Variants in SMC2 observed in about 807,000 individuals in gnomAD.
The protein encoded by SMC2 is structural maintenance of chromosomes 2.
Under a neutral mutation model 142.6 loss-of-function variants are expected in SMC2, and 41 were observed. The observed-to-expected ratio is 0.29, with a 90% CI of 0.22 to 0.37. SMC2 has a LOEUF of 0.37. SMC2 is among the 10% of genes least tolerant of loss of function. The pLI is 1.00. For synonymous variants in SMC2, 463 were observed against 457.5 expected (o/e 1.01, Z -0.15); for missense variants, 1,265 against 1,373.7 (o/e 0.92, Z 1.25).
chr9:104,096,369 T>C, intron 3 of SMC2, 72 bp downstream of exon 3: 3 of 1,427,668 alleles, frequency 2.1e-6, no homozygotes, highest in Non-Finnish European at 2.9e-6. Flanking sequence ...CCTATGCCTT[T>C]GCAAAACGTG....
the SMC2 span, among the ~76,000 whole-genome samples, chr9:104,089,212 A>G: frequency 6.6e-6 from 1 of 152,316 alleles, no homozygotes; most frequent in East Asian, 1.9e-4. Flanking sequence ...TTGTTGAAGT[A>G]GAAGATTAAG....
In SMC2 at chr9:104,139,338, T is replaced by C. The variant is rs1269927924; in HGVS notation, c.*23T>C. The C allele has an allele frequency of 2.1e-5, 33 of 1,547,028 alleles. No homozygotes were observed. The highest frequency in any genetic ancestry group is 2.9e-5 in the Non-Finnish European group (33 of 1,156,372). On this transcript the variant is annotated 3_prime_UTR_variant, in exon 25 of 25. Coordinates refer to ENST00000374793, the MANE Select transcript of SMC2 (RefSeq NM_006444.3). Reference sequence around the variant, plus strand: ...TAAACTACAAAGTTATTTCTTCATCTTGACCTGTTTTTTTAAATGTAAACT... The same window carrying C: ...TAAACTACAAAGTTATTTCTTCATCCTGACCTGTTTTTTTAAATGTAAACT...
At position 104,125,019 on chromosome 9, in the gene SMC2, C is replaced by A. The variant is rs1381715208; in HGVS notation, c.2365C>A (p.Arg789=). ...GAAAAATGCAGAAGCTGAAAGAGAG[C>A]GAGAACTGAAAGATGCTCAGAAAAA... ...KMKNAEAERE[R]ELKDAQKKLD... is the part of the protein sequence containing the mutation. The change falls in exon 18 of 25, where the codon CGA becomes AGA. Residue 789 remains arginine (R), a synonymous_variant. Transcript: ENST00000374793. 6.2e-7 allele frequency: 1 copy of A among 1,605,902 alleles called. No individual in the cohort carries two copies. Among genetic ancestry groups the A allele is most frequent in the South Asian group, 1.1e-5 (1 of 89,122 alleles).
intron 17 of SMC2, among the ~76,000 whole-genome samples, chr9:104,123,561 C>T (rs1209908892): frequency 6.6e-6 from 1 of 152,126 alleles, no homozygotes; most frequent in Non-Finnish European, 1.5e-5. Flanking sequence ...TTGCATTTCC[C>T]TAATTGCTGA....
intron 21 of SMC2, among the ~76,000 whole-genome samples, chr9:104,131,780 A>G (rs959595770): frequency 6.7e-5 from 10 of 149,296 alleles, no homozygotes; most frequent in Non-Finnish European, 1.0e-4. Flanking sequence ...GGATGATTTT[A>G]TTCCTAATTT....
chr9:104,102,098 A>G lies in SMC2; in HGVS notation c.775A>G (p.Lys259Glu). The G allele has an allele frequency of 1.2e-6, 2 of 1,606,324 alleles. No individual in the cohort carries two copies. The highest frequency in any genetic ancestry group is 8.5e-7 in the Non-Finnish European group (1 of 1,173,472). Reference sequence around the variant, plus strand: ...TGAGGAATTAAAAGAAATGCAAGATAAAGTTATAAAGCTTCAGGAAGAATT... The same window carrying G: ...TGAGGAATTAAAAGAAATGCAAGATGAAGTTATAAAGCTTCAGGAAGAATT... ...SAEELKEMQD[K>E]VIKLQEELSE... is the part of the protein sequence containing the mutation. The change falls in exon 8 of 25, where the codon AAA becomes GAA. Residue 259 changes from lysine (K) to glutamate (E), a missense_variant. By Grantham distance (56) the Lys-to-Glu change is moderately conservative. Around this residue, in one of 4 missense-constraint regions of SMC2, gnomAD observed 898 missense variants for 904.2 expected, o/e 0.99. Coordinates refer to ENST00000374793, the MANE Select transcript of SMC2 (RefSeq NM_006444.3).
chr9:104,100,523 T>A (rs1830990778), intron 7 of SMC2, 90 bp downstream of exon 7: 1 of 851,448 alleles, frequency 1.2e-6, no homozygotes, highest in African/African-American at 1.8e-5. Flanking sequence ...ATACTATTTC[T>A]TGGGGGTTTT....
At chr9:104,105,122 G>T (rs564385052) in intron 9 of SMC2, among the ~76,000 whole-genome samples, 2 of 152,314 alleles carry the variant, frequency 1.3e-5, no homozygotes, top group East Asian at 3.9e-4. Flanking sequence ...TTTCCCAAGG[G>T]ATATCTGCTG....
intron 8 of SMC2, 52 bp from the exon 9 acceptor site, chr9:104,102,372 C>T (rs1027906243): frequency 2.7e-5 from 40 of 1,496,936 alleles, no homozygotes; most frequent in African/African-American, 4.2e-5. Flanking sequence ...AATAAAATGA[C>T]AGCGTGAACA....
chr9:104,091,050 T>C (rs1283491057), upstream of SMC2, among the ~76,000 whole-genome samples: 1 of 152,224 alleles, frequency 6.6e-6, no homozygotes, highest in Non-Finnish European at 1.5e-5. Context: ...TTCCTCATTT[T>C]AAATTATACT....
intron 9 of SMC2, among the ~76,000 whole-genome samples, chr9:104,109,672 A>G (rs182848216): frequency 6.6e-6 from 1 of 152,218 alleles, no homozygotes. Context: ...CTCAATAAAT[A>G]TATTGGAAAA....
chr9:104,102,209 T>C lies in SMC2; in HGVS notation c.870+16T>C. Reference sequence around the variant, plus strand: ...AAAAGATAAGGTCTGAACATATGTATAAGAATCGATAATATACTCTGTGAA... The same window carrying C: ...AAAAGATAAGGTCTGAACATATGTACAAGAATCGATAATATACTCTGTGAA... On this transcript the variant is annotated intron_variant, in intron 8 of 24. Transcript: ENST00000374793. 1 of 1,379,496 alleles carries C rather than the reference T, an allele frequency of 7.2e-7. No individual in the cohort carries two copies. The highest frequency in any genetic ancestry group is 1.0e-6 in the Non-Finnish European group (1 of 990,248). 85.5% of individuals were successfully genotyped at this position (1,379,496 alleles called of 1,614,324 possible). A position where few individuals can be genotyped will look rare whatever the true frequency, so the allele number is the denominator to read the frequency against.
upstream of SMC2, among the ~76,000 whole-genome samples, chr9:104,091,324 CAAT>C (rs1337060392): frequency 6.6e-6 from 1 of 152,120 alleles, no homozygotes; most frequent in Non-Finnish European, 1.5e-5. Flanking sequence ...AACTATAACA[CAAT>C]GTTGTGTTTG....
intron 15 of SMC2, 77 bp downstream of exon 15, chr9:104,118,452 C>A: frequency 1.7e-6 from 2 of 1,157,996 alleles, no homozygotes; most frequent in Non-Finnish European, 2.5e-6. Flanking sequence ...CATTTTTAGC[C>A]CAACTACCCA....
upstream of SMC2, chr9:104,092,130 T>G (rs1829992784): frequency 6.6e-6 from 1 of 152,214 alleles, no homozygotes; most frequent in Non-Finnish European, 1.5e-5. Flanking sequence ...TAGTCATCAG[T>G]GATTTCCTCA....
chr9:104,102,854 AG>A (rs1831320773), intron 9 of SMC2, among the ~76,000 whole-genome samples: 1 of 152,154 alleles, frequency 6.6e-6, no homozygotes, highest in African/African-American at 2.4e-5. Flanking sequence ...TTAGGAGTGT[AG>A]GGGAAAAAGA....
upstream of SMC2, chr9:104,093,116 G>T (rs1422452308): frequency 6.6e-6 from 1 of 152,132 alleles, no homozygotes; most frequent in Non-Finnish European, 1.5e-5. Flanking sequence ...AAACTACCCA[G>T]TCTAGGATAT....
chr9:104,097,626 T>G (rs1233199214), intron 3 of SMC2, among the ~76,000 whole-genome samples: 1 of 152,036 alleles, frequency 6.6e-6, no homozygotes, highest in Non-Finnish European at 1.5e-5. Flanking sequence ...TTACTAATAA[T>G]CTACCTAATT....
chr9:104,105,016 C>A (rs1194938927), intron 9 of SMC2, among the ~76,000 whole-genome samples: 1 of 152,196 alleles, frequency 6.6e-6, no homozygotes, highest in African/African-American at 2.4e-5. Context: ...CTCTGCGATA[C>A]CTGAGGTGTT....
Sources: gnomAD v4.1 joint callset for allele counts (sites outside exome capture counted in the v4.1 genomes callset) on GRCh38, gnomAD v4.1.1 for gene constraint, gnomAD v4.1.1 regional missense constraint, MANE v1.5 for transcripts, NCBI Gene and HGNC (gene_info 2026-07-23, HGNC 2026-07-21) for gene names.